SOX13: variants seen among roughly 807,000 people sequenced by gnomAD.
SOX13 encodes the protein transcription factor SOX-13.
Under a neutral mutation model 71.8 loss-of-function variants are expected in SOX13, and 28 were observed. The ratio of observed to expected loss-of-function variants is 0.39; its 90% CI spans 0.29 to 0.53. The LOEUF is 0.53. Among genes scored for constraint, SOX13 ranks in the 20% least tolerant of loss-of-function variants. SOX13 has a pLI of 0.70. For synonymous variants in SOX13, 309 were observed against 317.8 expected, an observed-to-expected ratio of 0.97 and a Z score of 0.29; for missense variants, 627 against 810.3, an observed-to-expected ratio of 0.77 and a Z score of 2.75.
intron 1 of SOX13, among the ~76,000 whole-genome samples, chr1:204,086,985 C>T (rs113096683): frequency 0.095 from 14,392 of 151,428 alleles, 852 homozygotes; most frequent in African/African-American, 0.15. Context: ...TGCAGTGGCG[C>T]GATCTTGGCG....
Position 204,117,700 on chromosome 1 carries a change from C to G in SOX13, c.768C>G (p.Cys256Trp), listed in dbSNP as rs1656723019. The G allele has an allele frequency of 6.2e-7, 1 of 1,610,020 alleles. No homozygotes were observed. ...CCTTACCCATTCAGCCCATTCCCTGCAAACCAGGTGAGTGTGAGAAGGGAG... is the reference window on the plus strand; with the variant it reads ...CCTTACCCATTCAGCCCATTCCCTGGAAACCAGGTGAGTGTGAGAAGGGAG... ...QLALPIQPIPCKPVEYPLQLL... is the reference protein window; with the variant it reads ...QLALPIQPIPWKPVEYPLQLL... The change falls in exon 7 of 14, where the codon TGC becomes TGG. Residue 256 changes from cysteine (C) to tryptophan (W), a missense_variant. Physicochemically the swap from Cys to Trp is radical, Grantham distance 215. Coordinates refer to ENST00000367204, the MANE Select transcript of SOX13 (RefSeq NM_005686.3).
chr1:204,089,752 C>T (rs973167703), intron 1 of SOX13, among the ~76,000 whole-genome samples: 5 of 152,226 alleles, frequency 3.3e-5, no homozygotes, highest in African/African-American at 1.2e-4. Context: ...GTGGCACCCT[C>T]TCCCCTGAGC....
intron 1 of SOX13, among the ~76,000 whole-genome samples, chr1:204,100,684 CT>C (rs1656343780): frequency 6.6e-6 from 1 of 152,046 alleles, no homozygotes; most frequent in Admixed American, 6.6e-5. Context: ...GAAACGCAGC[CT>C]TTGGAGAGAA....
At position 204,124,877 on chromosome 1, in the gene SOX13, G is replaced by A; in HGVS notation, c.1592+20G>A. 1 of 1,531,616 alleles carries A rather than the reference G, an allele frequency of 6.5e-7. No individual in the cohort carries two copies. Among genetic ancestry groups the A allele is most frequent in the African/African-American group, 1.4e-5 (1 of 72,872 alleles). The allele number at this position is 1,531,616 out of a possible 1,614,324, so 94.9% of individuals were successfully genotyped here. ...GATCCCGTGAGCAGGCCCCCCCGCA[G>A]GCAGCCAGGAGACTGTGTGTACATG... On this transcript the variant is annotated intron_variant, in intron 13 of 13. Coordinates refer to ENST00000367204, the MANE Select transcript of SOX13 (RefSeq NM_005686.3).
chr1:204,087,537 AC>A (rs1656051290), intron 1 of SOX13, among the ~76,000 whole-genome samples: 1 of 152,178 alleles, frequency 6.6e-6, no homozygotes, highest in African/African-American at 2.4e-5. Flanking sequence ...AGGTGCTGGG[AC>A]CACCAGTGCT....
intron 1 of SOX13, among the ~76,000 whole-genome samples, chr1:204,110,705 C>T (rs1656563861): frequency 6.6e-6 from 1 of 152,072 alleles, no homozygotes; most frequent in Admixed American, 6.6e-5. Flanking sequence ...CTATTATATA[C>T]AATGCGTGTT....
In SOX13 at chr1:204,081,249, A is replaced by G. The variant is rs1438323361; in HGVS notation, c.-2+7538A>G. On this transcript the variant is annotated intron_variant, in intron 1 of 13. Transcript: ENST00000367204. This position sits in a 1 kb window ranked among gnomAD's most constrained non-coding sequence, Gnocchi z 4.3. The stretch of plus-strand genomic sequence containing the variant: ...CTTTTTTTTAAAGATCGTGGCTCAT[A>G]TTCGTTTTCTTATTTCTGTAGTCTC... Among the ~76,000 whole-genome samples, 1 of 150,712 alleles carries G rather than the reference A, an allele frequency of 6.6e-6. No homozygotes were observed. Among genetic ancestry groups the G allele is most frequent in the Non-Finnish European group, 1.5e-5 (1 of 67,236 alleles).
In SOX13 at chr1:204,114,518, G is replaced by A; in HGVS notation, c.332-1G>A. Reference sequence around the variant, plus strand: ...TTCCTCACCCCTTTGCTGTCTTCCAGTGGTGCCAGCCATAGAGAAGCTGTT... The same window carrying A: ...TTCCTCACCCCTTTGCTGTCTTCCAATGGTGCCAGCCATAGAGAAGCTGTT... On this transcript the variant is annotated splice_acceptor_variant, in intron 3 of 13. Coordinates refer to ENST00000367204, the MANE Select transcript of SOX13 (RefSeq NM_005686.3). LOFTEE classifies it high-confidence loss of function. 1.2e-6 allele frequency: 2 copies of A among 1,613,582 alleles called. No homozygotes were observed. The highest frequency in any genetic ancestry group is 8.5e-7 in the Non-Finnish European group (1 of 1,179,506).
chr1:204,101,031 T>G (rs906996767), intron 1 of SOX13, among the ~76,000 whole-genome samples: 1 of 152,306 alleles, frequency 6.6e-6, no homozygotes, highest in Admixed American at 6.5e-5. Flanking sequence ...GGTATATATT[T>G]TTTCTGGAGT....
At chr1:204,079,819 G>C (rs1258144325) in intron 1 of SOX13, among the ~76,000 whole-genome samples, 1 of 152,206 alleles carries the variant, frequency 6.6e-6, no homozygotes, top group African/African-American at 2.4e-5. Context: ...GTCTCAGATG[G>C]AACAGCAGCA....
chr1:204,088,330 C>G (rs936621856), intron 1 of SOX13, among the ~76,000 whole-genome samples: 1 of 152,134 alleles, frequency 6.6e-6, no homozygotes, highest in Non-Finnish European at 1.5e-5. Flanking sequence ...ACTCTGGGTT[C>G]TCCTAGCCAG....
At chr1:204,083,664 A>G (rs1655955642) in intron 1 of SOX13, among the ~76,000 whole-genome samples, 1 of 152,144 alleles carries the variant, frequency 6.6e-6, no homozygotes, top group Non-Finnish European at 1.5e-5. Context: ...CAAGAACTTG[A>G]GGTGGAGATG....
At chr1:204,097,253 G>C (rs1558214199) in intron 1 of SOX13, among the ~76,000 whole-genome samples, 1 of 152,186 alleles carries the variant, frequency 6.6e-6, no homozygotes, top group Non-Finnish European at 1.5e-5. Context: ...ACGGGGCATG[G>C]GGATAAAGGA....
At chr1:204,120,359 G>C (rs555638560) in intron 7 of SOX13, among the ~76,000 whole-genome samples, 2 of 152,328 alleles carry the variant, frequency 1.3e-5, no homozygotes, top group South Asian at 4.1e-4. Context: ...CTGCTTTCTG[G>C]GCAGGTAAGG....
rs1207947838 is a variant in SOX13 at position 204,122,099 on chromosome 1, T to G, written c.861+114T>G. 5.8e-6 allele frequency: 6 copies of G among 1,040,078 alleles called. No individual in the cohort carries two copies. The East Asian group carries it at 1.6e-4, about 27-fold the overall frequency. 64.4% of individuals were successfully genotyped at this position (1,040,078 alleles called of 1,614,324 possible). A position where few individuals can be genotyped will look rare whatever the true frequency, so the allele number is the denominator to read the frequency against. On this transcript the variant is annotated intron_variant, in intron 8 of 13. Coordinates refer to ENST00000367204, the MANE Select transcript of SOX13 (RefSeq NM_005686.3). Reference sequence around the variant, plus strand: ...TGAGCCCTGGCATCCTGTGTTCTTGTTCACCCGCTCCTTCTGCGTCCACTT... The same window carrying G: ...TGAGCCCTGGCATCCTGTGTTCTTGGTCACCCGCTCCTTCTGCGTCCACTT...
chr1:204,125,416 G>A (rs915561589), intron 13 of SOX13, among the ~76,000 whole-genome samples: 14 of 152,074 alleles, frequency 9.2e-5, no homozygotes, highest in African/African-American at 3.4e-4. Context: ...AATTAGCCAG[G>A]TGTGGTGGTT....
At chr1:204,079,477 C>G (rs954184011) in intron 1 of SOX13, among the ~76,000 whole-genome samples, 3 of 151,332 alleles carry the variant, frequency 2.0e-5, no homozygotes, top group Non-Finnish European at 4.4e-5. Flanking sequence ...TCCTGAGTAG[C>G]TGGGATTACA....
intron 1 of SOX13, among the ~76,000 whole-genome samples, chr1:204,079,074 G>A (rs1410179723): frequency 1.3e-5 from 2 of 152,062 alleles, no homozygotes; most frequent in African/African-American, 2.4e-5. Flanking sequence ...CAAGGCGGGC[G>A]GATCACGAGG....
Position 204,125,974 on chromosome 1 carries a change from A to G in SOX13, c.1709A>G (p.Asn570Ser). ...EHYVPRSLDP[N>S]MPVIVNTCSL... Reference sequence around the variant, plus strand: ...TATGTCCCTCGTAGCCTGGACCCCAACATGCCTGTGATCGTCAACACCTGC... The same window carrying G: ...TATGTCCCTCGTAGCCTGGACCCCAGCATGCCTGTGATCGTCAACACCTGC... The change falls in exon 14 of 14, where the codon AAC becomes AGC. Residue 570 changes from asparagine to serine, a missense_variant. Physicochemically the swap from Asn to Ser is conservative, Grantham distance 46. This residue lies in a region of SOX13 where 148 missense variants were observed against 192.7 expected (regional missense o/e 0.77). Transcript: ENST00000367204. 2 of 1,613,956 alleles carry G rather than the reference A, an allele frequency of 1.2e-6. No homozygotes were observed. Among genetic ancestry groups the G allele is most frequent in the Non-Finnish European group, 8.5e-7 (1 of 1,179,866 alleles).
Sources: gnomAD v4.1 joint callset for allele counts (sites outside exome capture counted in the v4.1 genomes callset) on GRCh38, gnomAD v4.1.1 for gene constraint, gnomAD v4.1.1 regional missense constraint, Gnocchi (gnomAD v3.1) non-coding constraint, MANE v1.5 for transcripts, NCBI Gene and HGNC (gene_info 2026-07-23, HGNC 2026-07-21) for gene names.